The following TYW1 variants were observed in gnomAD, a reference collection of about 807,000 sequenced individuals.
TYW1 encodes the protein tRNA-yW synthesizing protein 1 homolog.
TYW1 carries 46 observed loss-of-function variants against 96.2 expected under a neutral mutation model. That is an observed-to-expected ratio of 0.48 (90% CI 0.38 to 0.61). TYW1 has a LOEUF of 0.61. TYW1 is among the 20% of genes least tolerant of loss of function. TYW1 has a pLI of 0.00. For missense variants in TYW1, 684 were observed against 909.6 expected (o/e 0.75, Z 3.19); for synonymous variants, 274 against 323.0 (o/e 0.85, Z 1.63).
At chr7:67,145,938 T>C (rs1216394035) in intron 13 of TYW1, among the ~76,000 whole-genome samples, 1 of 150,218 alleles carries the variant, frequency 6.7e-6, no homozygotes, top group Non-Finnish European at 1.5e-5. Context: ...ATTTTATTTA[T>C]TTATTTTTTT....
At chr7:67,020,238 A>G (rs1794200483) in intron 6 of TYW1, among the ~76,000 whole-genome samples, 2 of 152,256 alleles carry the variant, frequency 1.3e-5, no homozygotes, top group Admixed American at 1.3e-4. Context: ...TTAAAAGTAG[A>G]CAGGATGGTG....
Position 67,057,317 on chromosome 7 carries a change from T to C in TYW1, c.1155+1430T>C, listed in dbSNP as rs979486315. On this transcript the variant is annotated intron_variant, in intron 9 of 15. Coordinates refer to ENST00000359626, the MANE Select transcript of TYW1 (RefSeq NM_018264.4). ...TTTGAGCCACCGTGCCTGGCCCTCA[T>C]TGTGGTTTTAATTTACATTTTGCTG... is the stretch of plus-strand genomic sequence containing the variant. 1.2e-4 allele frequency among the ~76,000 whole-genome samples: 18 copies of C among 150,140 alleles called. 1 individual carries two copies. The highest frequency in any genetic ancestry group is 1.0e-3 in the Admixed American group (15 of 15,060).
intron 13 of TYW1, among the ~76,000 whole-genome samples, chr7:67,124,875 C>T (rs1479573074): frequency 5.3e-5 from 8 of 152,074 alleles, no homozygotes; most frequent in Admixed American, 5.2e-4. Context: ...GCTCTTGTTG[C>T]CCAGGCTGGA....
At chr7:67,058,672 C>T (rs544304798) in intron 9 of TYW1, among the ~76,000 whole-genome samples, 1 of 152,030 alleles carries the variant, frequency 6.6e-6, no homozygotes, top group African/African-American at 2.4e-5. Flanking sequence ...GACAGGGTTT[C>T]ATCATGTTGC....
intron 7 of TYW1, among the ~76,000 whole-genome samples, chr7:67,031,764 A>AC (rs1336362424): frequency 4.6e-5 from 6 of 129,958 alleles, no homozygotes; most frequent in Admixed American, 4.1e-4. Context: ...AGTGGGGAAA[A>AC]CCCCCCACAT....
chr7:67,100,302 T>G (rs1797046339), intron 12 of TYW1, among the ~76,000 whole-genome samples: 1 of 152,108 alleles, frequency 6.6e-6, no homozygotes, highest in African/African-American at 2.4e-5. Context: ...ATACTGGGAC[T>G]AGGCACACGC....
intron 11 of TYW1, among the ~76,000 whole-genome samples, chr7:67,094,187 T>C (rs1243694897): frequency 6.6e-6 from 1 of 152,192 alleles, no homozygotes; most frequent in African/African-American, 2.4e-5. Flanking sequence ...TTCGTTTTTA[T>C]GGCTGCATAG....
intron 13 of TYW1, among the ~76,000 whole-genome samples, chr7:67,157,498 C>A (rs1341869003): frequency 2.0e-5 from 3 of 152,186 alleles, no homozygotes; most frequent in African/African-American, 7.2e-5. Flanking sequence ...ATTGGCCAGG[C>A]TGGTCTTGAA....
intron 5 of TYW1, 92 bp downstream of exon 5, chr7:67,014,653 A>C: frequency 1.5e-6 from 2 of 1,379,250 alleles, no homozygotes; most frequent in Admixed American, 4.9e-5. Flanking sequence ...ACACACGCAC[A>C]CACACATAAA....
At chr7:67,183,353 T>A in intron 14 of TYW1, 117 bp downstream of exon 14, 1 of 845,148 alleles carries the variant, frequency 1.2e-6, no homozygotes, top group Non-Finnish European at 1.8e-6. Context: ...ATTTTATTGA[T>A]GTATTCATTT....
At chr7:67,042,729 G>T (rs1004142060) in intron 7 of TYW1, among the ~76,000 whole-genome samples, 8 of 152,148 alleles carry the variant, frequency 5.3e-5, no homozygotes, top group South Asian at 2.1e-4. Flanking sequence ...GGGTGCAGTG[G>T]CTTATGCCTG....
At chr7:67,094,090 C>T (rs2686993) in intron 11 of TYW1, among the ~76,000 whole-genome samples, 8 of 145,874 alleles carry the variant, frequency 5.5e-5, no homozygotes, top group East Asian at 4.0e-4. Flanking sequence ...AAAGTGAGAA[C>T]GTGTGATATT....
rs183635949 is a variant in TYW1 at position 67,069,206 on chromosome 7, A to G, written c.1274+1803A>G. 4.8e-4 allele frequency among the ~76,000 whole-genome samples: 73 copies of G among 152,344 alleles called. 1 individual carries two copies. Among genetic ancestry groups the G allele is most frequent in the African/African-American group, 1.7e-3 (70 of 41,584 alleles). On this transcript the variant is annotated intron_variant, in intron 10 of 15. Coordinates refer to ENST00000359626, the MANE Select transcript of TYW1 (RefSeq NM_018264.4). ...TTTTAGCAAGTAGACAATGTTACAA[A>G]TATGAAATCAGATATTAATGGGATT...
At chr7:67,179,035 T>C (rs1799760640) in intron 13 of TYW1, among the ~76,000 whole-genome samples, 1 of 143,674 alleles carries the variant, frequency 7.0e-6, no homozygotes. Context: ...CCGGTGGTGT[T>C]AGACGGGAAT....
At chr7:67,012,667 T>C (rs1324927656) in intron 4 of TYW1, among the ~76,000 whole-genome samples, 1 of 152,086 alleles carries the variant, frequency 6.6e-6, no homozygotes, top group Admixed American at 6.6e-5. Context: ...AAAATCCAAA[T>C]TTCTGGAGCG....
intron 9 of TYW1, among the ~76,000 whole-genome samples, chr7:67,056,828 A>G (rs1795532381): frequency 6.6e-6 from 1 of 152,134 alleles, no homozygotes. Context: ...TAGAGTAGGT[A>G]TATATTTAAC....
intron 9 of TYW1, among the ~76,000 whole-genome samples, chr7:67,065,902 T>C (rs1252658050): frequency 6.6e-6 from 1 of 151,788 alleles, no homozygotes; most frequent in Admixed American, 6.6e-5. Context: ...TCCCAGCTAC[T>C]TGGGAGGCTG....
rs2116338462 is a variant in TYW1, at chr7:67,193,812, G to GGA, written c.1810-1357_1810-1356insAG. 1.3e-5 allele frequency among the ~76,000 whole-genome samples: 2 copies of GGA among 150,020 alleles called. 1 individual carries two copies. The highest frequency in any genetic ancestry group is 4.2e-4 in the South Asian group (2 of 4,762). On this transcript the variant is annotated intron_variant, in intron 14 of 15. Transcript: ENST00000359626. ...ATTCTGCATTCTCCAGTTTGTCTGT[G>GGA]GTGTGTGTGTGTCCTGTCTTTATAT... is the stretch of plus-strand genomic sequence containing the variant.
intron 11 of TYW1, among the ~76,000 whole-genome samples, chr7:67,093,314 A>ATG (rs905142531): frequency 6.6e-6 from 1 of 152,144 alleles, no homozygotes; most frequent in East Asian, 1.9e-4. Context: ...TAATAGCTGT[A>ATG]TGTGTGTGTG....
Sources: allele counts gnomAD v4.1 joint callset (sites outside exome capture counted in the v4.1 genomes callset), GRCh38; gene constraint gnomAD v4.1.1; transcripts MANE v1.5; gene names NCBI Gene and HGNC (gene_info 2026-07-23, HGNC 2026-07-21).